ERICH6B: variants seen among roughly 807,000 people sequenced by gnomAD.
ERICH6B encodes glutamate-rich protein 6B.
ERICH6B carries 69 observed loss-of-function variants against 80.0 expected under a neutral mutation model. That is an observed-to-expected ratio of 0.86 (90% CI 0.71 to 1.05). The LOEUF is 1.05. ERICH6B is among the 50% of genes least tolerant of loss of function. ERICH6B has a pLI of 0.00. For missense variants in ERICH6B, 754 were observed against 796.1 expected (o/e 0.95, Z 0.64); for synonymous variants, 283 against 291.9 (o/e 0.97, Z 0.31).
intron 8 of ERICH6B, among the ~76,000 whole-genome samples, chr13:45,570,560 T>C (rs948529826): frequency 7.9e-5 from 12 of 152,230 alleles, no homozygotes; most frequent in African/African-American, 2.9e-4. Flanking sequence ...TCTCCTTGGC[T>C]TGTACCCCTC....
intron 2 of ERICH6B, among the ~76,000 whole-genome samples, chr13:45,606,537 ATATATATATATTTTTTTTTTT>A (rs1949865625): frequency 7.7e-5 from 1 of 12,918 alleles, no homozygotes; most frequent in Non-Finnish European, 1.8e-4. Context: ...ATATATATAT[ATATATATATATTTTTTTTTTT>A]TTTTTTTTTT....
At chr13:45,606,534 TATA>T (rs1566307828) in intron 2 of ERICH6B, among the ~76,000 whole-genome samples, 17 of 17,688 alleles carry the variant, frequency 9.6e-4, no homozygotes, top group Non-Finnish European at 2.3e-3. Flanking sequence ...TATATATATA[TATA>T]TATATATATA....
Position 45,541,518 on chromosome 13 carries a change from T to C in ERICH6B, c.2035A>G (p.Ile679Val), listed in dbSNP as rs772114034. The change falls in exon 15 of 15, where the codon ATA becomes GTA. Residue 679 changes from isoleucine to valine, a missense_variant. Coordinates refer to ENST00000298738, the MANE Select transcript of ERICH6B (RefSeq NM_182542.3). ...AGGTACTTGTTGTCCATCAGTGATA[T>C]ACTGACGGCCTCTATGAAGTTTTCC... ...DLENFIEAVSISLMDNKYLKK... is the reference protein window; with the variant it reads ...DLENFIEAVSVSLMDNKYLKK... The C allele has an allele frequency of 3.2e-6, 5 of 1,552,064 alleles. No homozygotes were observed. Among genetic ancestry groups the C allele is most frequent in the East Asian group, 2.4e-5 (1 of 40,932 alleles).
rs115597370 is a variant in ERICH6B, at chr13:45,566,576, G to T, written c.1187+1739C>A. ...AGCTTGGGCCTTGGCTTCAGAGGGT[G>T]TAAACCCCAAGCCTTGGCAGCTACC... On this transcript the variant is annotated intron_variant, in intron 9 of 14. Coordinates refer to ENST00000298738, the MANE Select transcript of ERICH6B (RefSeq NM_182542.3). 7.0e-3 allele frequency among the ~76,000 whole-genome samples: 1,066 copies of T among 152,382 alleles called. 19 individuals are homozygous for T. The highest frequency in any genetic ancestry group is 0.024 in the African/African-American group (1,018 of 41,604).
At chr13:45,606,497 GTGTATGTGTATATATATATATATA>G (rs1311062473) in intron 2 of ERICH6B, among the ~76,000 whole-genome samples, 8 of 25,770 alleles carry the variant, frequency 3.1e-4, no homozygotes, top group African/African-American at 8.2e-4. Flanking sequence ...GATCCCAAAA[GTGTATGTGTATATATATATATATA>G]TATATATATA....
intron 1 of ERICH6B, among the ~76,000 whole-genome samples, chr13:45,614,730 T>G (rs1426544846): frequency 6.6e-6 from 1 of 152,256 alleles, no homozygotes; most frequent in African/African-American, 2.4e-5. Flanking sequence ...CATGGTGCTC[T>G]GCAAACGTAA....
chr13:45,588,249 T>C (rs1225281285), intron 4 of ERICH6B, among the ~76,000 whole-genome samples: 3 of 152,150 alleles, frequency 2.0e-5, no homozygotes, highest in Non-Finnish European at 4.4e-5. Context: ...GAAGTCTCCC[T>C]TCAGGGTCTG....
chr13:45,605,428 G>T (rs918706332), intron 2 of ERICH6B, among the ~76,000 whole-genome samples: 1 of 152,222 alleles, frequency 6.6e-6, no homozygotes, highest in Non-Finnish European at 1.5e-5. Context: ...GTGCTGCAAA[G>T]TGCTTTCGTG....
chr13:45,572,022 G>C (rs1875193683), intron 8 of ERICH6B, among the ~76,000 whole-genome samples: 2 of 152,324 alleles, frequency 1.3e-5, no homozygotes, highest in East Asian at 3.9e-4. Context: ...TAACAACAGG[G>C]CTTAGCAAAC....
Position 45,606,499 on chromosome 13 carries a change from GTATGTGTATATATATATATATATA to G in ERICH6B, c.-59+1041_-59+1064del, listed in dbSNP as rs1345798719. Among the ~76,000 whole-genome samples, 146 of 40,738 alleles carry G rather than the reference GTATGTGTATATATATATATATATA, an allele frequency of 3.6e-3. 12 individuals are homozygous for G. The highest frequency in any genetic ancestry group is 0.015 in the African/African-American group (136 of 9,122). 26.7% of individuals were successfully genotyped at this position (40,738 alleles called of 152,430 possible). ...TCTTCTTGGCTGAGATCCCAAAAGT[GTATGTGTATATATATATATATATA>G]TATATATATATATATATATATATAT... On this transcript the variant is annotated intron_variant, in intron 2 of 14. Coordinates refer to ENST00000298738, the MANE Select transcript of ERICH6B (RefSeq NM_182542.3).
At chr13:45,572,176 C>T (rs1027517131) in intron 8 of ERICH6B, among the ~76,000 whole-genome samples, 1 of 152,156 alleles carries the variant, frequency 6.6e-6, no homozygotes, top group African/African-American at 2.4e-5. Context: ...AACTTTCTAC[C>T]TCACCCTACA....
rs41292933 is a variant in ERICH6B, at chr13:45,541,558, C to T, written c.1995G>A (p.Ala665=). 0.018 allele frequency: 27,966 copies of T among 1,551,946 alleles called. 346 individuals are homozygous for T. The highest frequency in any genetic ancestry group is 0.043 in the Middle Eastern group (256 of 5,994). ...TGAAGTTTTCCAGATCAGGGGTGGT[C>T]GCGTAATTCAGGAGCCTATTCATTT... is the stretch of plus-strand genomic sequence containing the variant. The part of the protein sequence containing the change: ...LGKMNRLLNY[A]TTPDLENFIE... The change falls in exon 15 of 15, where the codon GCG becomes GCA. Residue 665 remains alanine, a synonymous_variant. Coordinates refer to ENST00000298738, the MANE Select transcript of ERICH6B (RefSeq NM_182542.3).
At chr13:45,606,535 ATATATATATATATTTTTTTTT>A (rs1566307846) in intron 2 of ERICH6B, among the ~76,000 whole-genome samples, 163 of 14,410 alleles carry the variant, frequency 0.011, no homozygotes, top group Admixed American at 0.021. Flanking sequence ...ATATATATAT[ATATATATATATATTTTTTTTT>A]TTTTTTTTTT....
rs1320537324 is a variant in ERICH6B at position 45,570,961 on chromosome 13, C to G, written c.1051-2510G>C. Among the ~76,000 whole-genome samples the G allele has an allele frequency of 2.0e-5, 3 of 152,238 alleles. No homozygotes were observed. In the East Asian group the frequency reaches 5.8e-4, roughly 29 times the overall value. ...CTGCAGGTTCCATGTGGCATTCGCT[C>G]CACTGCAGCTGCAGGTTCCGTGTGG... is the stretch of plus-strand genomic sequence containing the variant. On this transcript the variant is annotated intron_variant, in intron 8 of 14. Coordinates refer to ENST00000298738, the MANE Select transcript of ERICH6B (RefSeq NM_182542.3).
chr13:45,544,167 G>A (rs1158519178), intron 14 of ERICH6B, among the ~76,000 whole-genome samples: 1 of 152,170 alleles, frequency 6.6e-6, no homozygotes, highest in Non-Finnish European at 1.5e-5. Context: ...CCGTCTCCCT[G>A]GTTCAAACAA....
chr13:45,582,062 A>G (rs1875694384), intron 5 of ERICH6B, among the ~76,000 whole-genome samples: 1 of 152,240 alleles, frequency 6.6e-6, no homozygotes, highest in Admixed American at 6.5e-5. Flanking sequence ...TCAAATATTT[A>G]AAGTCAGTTT....
At chr13:45,577,403 C>T (rs1423157210) in intron 7 of ERICH6B, among the ~76,000 whole-genome samples, 1 of 150,310 alleles carries the variant, frequency 6.7e-6, no homozygotes, top group Non-Finnish European at 1.5e-5. Context: ...CCTGCCTCAG[C>T]TTCCCAAGTA....
At chr13:45,562,201 C>A (rs1173638541) in intron 10 of ERICH6B, among the ~76,000 whole-genome samples, 1 of 152,128 alleles carries the variant, frequency 6.6e-6, no homozygotes, top group Non-Finnish European at 1.5e-5. Flanking sequence ...CAGGCGTGTG[C>A]CACCACACCT....
At chr13:45,568,217 GCT>G in intron 9 of ERICH6B, 96 bp downstream of exon 9, 1 of 1,326,440 alleles carries the variant, frequency 7.5e-7, no homozygotes, top group Non-Finnish European at 1.0e-6. Context: ...GTCCTGACTT[GCT>G]CTTTTTTGTT....
Sources: allele counts gnomAD v4.1 joint callset (sites outside exome capture counted in the v4.1 genomes callset), GRCh38; gene constraint gnomAD v4.1.1; transcripts MANE v1.5; gene names NCBI Gene and HGNC (gene_info 2026-07-23, HGNC 2026-07-21).